Variants in TCF7 observed in about 807,000 individuals in gnomAD.
TCF7 encodes transcription factor 7, also known as T-cell-factor-7.
Under a neutral mutation model 46.8 loss-of-function variants are expected in TCF7, and 19 were observed. That is an observed-to-expected ratio of 0.41 (90% CI 0.28 to 0.60). The LOEUF (loss-of-function observed/expected upper bound fraction) is 0.60. TCF7 is among the 20% of genes least tolerant of loss of function. The pLI is 0.35. For missense variants in TCF7, 547 were observed against 504.6 expected, an observed-to-expected ratio of 1.08 and a Z score of -0.81; for synonymous variants, 245 against 213.4, an observed-to-expected ratio of 1.15 and a Z score of -1.29.
chr5:134,114,911 C>T lies in TCF7; in HGVS notation c.5C>T (p.Pro2Leu), dbSNP rs1755585928. 1 of 1,023,500 alleles carries T rather than the reference C, an allele frequency of 9.8e-7. No homozygotes were observed. The highest frequency in any genetic ancestry group is 1.2e-6 in the Non-Finnish European group (1 of 853,594). 63.4% of individuals were successfully genotyped at this position (1,023,500 alleles called of 1,614,324 possible). A position where few individuals can be genotyped will look rare whatever the true frequency, so the allele number is the denominator to read the frequency against. Reference sequence around the variant, plus strand: ...CCCCGGCGGGCGGAGCGCACCATGCCGCAGCTGGACTCCGGCGGGGGCGGC... The same window carrying T: ...CCCCGGCGGGCGGAGCGCACCATGCTGCAGCTGGACTCCGGCGGGGGCGGC... M[P>L]QLDSGGGGAG... Residue 2 changes from proline (P) to leucine (L), a missense_variant, in exon 1 of 10, where the codon CCG (proline) becomes CTG (leucine). Physicochemically the swap from Pro to Leu is moderately conservative, Grantham distance 98. This residue lies in a region of TCF7 where 425 missense variants were observed against 349.9 expected (regional missense o/e 1.21). Coordinates refer to ENST00000342854, the MANE Select transcript of TCF7 (RefSeq NM_003202.5).
chr5:134,128,740 C>T (rs746796874), intron 3 of TCF7, among the ~76,000 whole-genome samples: 1 of 152,014 alleles, frequency 6.6e-6, no homozygotes, highest in Non-Finnish European at 1.5e-5. Context: ...CTCTCACTCT[C>T]GGGCTTGGAG....
intron 3 of TCF7, among the ~76,000 whole-genome samples, chr5:134,117,911 G>C (rs1293995132): frequency 1.3e-5 from 2 of 152,226 alleles, no homozygotes; most frequent in Non-Finnish European, 2.9e-5. Context: ...GGCTCTCTGT[G>C]CCCTGGCCTC....
At chr5:134,126,308 G>A (rs1757336389) in intron 3 of TCF7, among the ~76,000 whole-genome samples, 1 of 152,348 alleles carries the variant, frequency 6.6e-6, no homozygotes, top group South Asian at 2.1e-4. Context: ...GCATCCCCAT[G>A]GGCGGGGGTG....
chr5:134,115,281 G>A (rs746084290), intron 1 of TCF7, 40 bp from the exon 2 acceptor site: 1 of 1,500,734 alleles, frequency 6.7e-7, no homozygotes, highest in South Asian at 1.2e-5. Flanking sequence ...CGACCCCCGC[G>A]GTCCCACCGC....
intron 9 of TCF7, chr5:134,145,751 G>A (rs758982604): frequency 2.5e-6 from 4 of 1,613,880 alleles, no homozygotes; most frequent in Non-Finnish European, 3.4e-6. Flanking sequence ...AGACAAACTG[G>A]CCCAGAGAAC....
At chr5:134,113,857 C>T (rs1029739538), upstream of TCF7, among the ~76,000 whole-genome samples, 4 of 152,236 alleles carry the variant, frequency 2.6e-5, no homozygotes, top group Non-Finnish European at 4.4e-5. Flanking sequence ...AATGCGACTT[C>T]TAGGGTTGAG....
chr5:134,117,893 G>A (rs1340562789), intron 3 of TCF7, among the ~76,000 whole-genome samples: 1 of 152,250 alleles, frequency 6.6e-6, no homozygotes, highest in Admixed American at 6.5e-5. Flanking sequence ...AGGACGGGCT[G>A]TGACACTGGC....
At chr5:134,136,886 C>CA in intron 3 of TCF7, among the ~76,000 whole-genome samples, 1 of 152,350 alleles carries the variant, frequency 6.6e-6, no homozygotes, top group South Asian at 2.1e-4. Context: ...TGCCAGGAGT[C>CA]AGAGATCACT....
chr5:134,143,237 C>A, intron 8 of TCF7, 137 bp downstream of exon 8: 1 of 895,264 alleles, frequency 1.1e-6, no homozygotes, highest in Non-Finnish European at 1.8e-6. Flanking sequence ...GGGTCCAAGG[C>A]CTCCCATGGC....
At position 134,146,311 on chromosome 5, in the gene TCF7, C is replaced by CT. The variant is rs1760701556; in HGVS notation, c.*8_*9insT. 1 of 1,614,076 alleles carries CT rather than the reference C, an allele frequency of 6.2e-7. No homozygotes were observed. The highest frequency in any genetic ancestry group is 1.3e-5 in the African/African-American group (1 of 75,042). On this transcript the variant is annotated 3_prime_UTR_variant, in exon 10 of 10. Transcript: ENST00000342854. ...CCGATGACAGTGCTCTAGGCTGCCCCGGGTCCCCAGCTCCCCAGGACTCAC... is the reference window on the plus strand; with the variant it reads ...CCGATGACAGTGCTCTAGGCTGCCCCTGGGTCCCCAGCTCCCCAGGACTCAC...
chr5:134,138,770 T>G, intron 4 of TCF7, 181 bp from the exon 5 acceptor site: 1 of 972,574 alleles, frequency 1.0e-6, no homozygotes, highest in Non-Finnish European at 1.5e-6. Flanking sequence ...TGGGTTCCCT[T>G]GTCTGTCAAA....
rs572705931 is a variant in TCF7, at chr5:134,116,399, ACTTT to A, written c.441+369_441+372del. Reference sequence around the variant, plus strand: ...ATCTGAGCTCAGAGCTTTGCAATTAACTTTCTAACTAGCCCAGGAAACCCTGAGC... The same window carrying A: ...ATCTGAGCTCAGAGCTTTGCAATTAACTAACTAGCCCAGGAAACCCTGAGC... On this transcript the variant is annotated intron_variant, in intron 3 of 9. Transcript: ENST00000342854. Among the ~76,000 whole-genome samples, 3 of 152,304 alleles carry A rather than the reference ACTTT, an allele frequency of 2.0e-5. No individual in the cohort carries two copies. In the East Asian group the frequency reaches 5.8e-4, roughly 29 times the overall value.
At chr5:134,144,598 T>C in intron 9 of TCF7, 1 of 578,944 alleles carries the variant, frequency 1.7e-6, no homozygotes, top group Non-Finnish European at 3.1e-6. Flanking sequence ...GTGCCCACCT[T>C]TCCTGATATC....
chr5:134,116,976 T>A (rs141140981), intron 3 of TCF7, among the ~76,000 whole-genome samples: 89 of 152,146 alleles, frequency 5.8e-4, no homozygotes, highest in Middle Eastern at 3.4e-3. Context: ...TACAGTGGGG[T>A]CACCAGAGGG....
upstream of TCF7, chr5:134,114,650 G>GCCCGCCCCCAGTGCCCGC: frequency 6.6e-6 from 1 of 152,150 alleles, no homozygotes; most frequent in Non-Finnish European, 1.4e-5. Flanking sequence ...CCCCGGCCCG[G>GCCCGCCCCCAGTGCCCGC]CCCGCCCCCA....
chr5:134,118,089 G>A (rs1249459969), intron 3 of TCF7, among the ~76,000 whole-genome samples: 1 of 152,180 alleles, frequency 6.6e-6, no homozygotes, highest in Non-Finnish European at 1.5e-5. Context: ...AAGACGTGTG[G>A]GCATTGAAAA....
intron 3 of TCF7, 127 bp from the exon 4 acceptor site, chr5:134,137,932 C>A: frequency 1.4e-6 from 1 of 719,118 alleles, no homozygotes; most frequent in East Asian, 2.9e-5. Context: ...GTGGTACCCC[C>A]TTCGCTGAGG....
chr5:134,123,753 C>T (rs1310639773), intron 3 of TCF7: 1 of 456,302 alleles, frequency 2.2e-6, no homozygotes, highest in Admixed American at 2.3e-5. Context: ...ATGTTGGCAT[C>T]ATGGTAGGGC....
intron 2 of TCF7, 166 bp from the exon 3 acceptor site, chr5:134,115,743 G>C (rs1198179642): frequency 1.4e-6 from 2 of 1,450,086 alleles, no homozygotes; most frequent in Non-Finnish European, 1.8e-6. Flanking sequence ...TGCCCTCCAG[G>C]TCCTTCCCCT....
Sources: gnomAD v4.1 joint callset for allele counts (sites outside exome capture counted in the v4.1 genomes callset) on GRCh38, gnomAD v4.1.1 for gene constraint, gnomAD v4.1.1 regional missense constraint, MANE v1.5 for transcripts, NCBI Gene and HGNC (gene_info 2026-07-23, HGNC 2026-07-21) for gene names.